The following ST6GALNAC5 variants were observed in gnomAD, a reference collection of about 807,000 sequenced individuals.
ST6GALNAC5 encodes the protein ST6 N-acetylgalactosaminide alpha-2,6-sialyltransferase 5, also known as alpha-N-acetylgalactosaminide alpha-2,6-sialyltransferase 5.
Under a neutral mutation model 33.6 loss-of-function variants are expected in ST6GALNAC5, and 27 were observed. That is an observed-to-expected ratio of 0.80 (90% CI 0.59 to 1.11). The LOEUF is 1.11. Ranked by LOEUF, ST6GALNAC5 falls within the 50% of genes least tolerant of loss-of-function variation. The pLI is 0.00. For synonymous variants in ST6GALNAC5, 194 were observed against 171.2 expected (o/e 1.13, Z -1.04); for missense variants, 428 against 454.0 (o/e 0.94, Z 0.52).
At chr1:76,974,301 C>A (rs1313065076) in intron 2 of ST6GALNAC5, among the ~76,000 whole-genome samples, 2 of 123,272 alleles carry the variant, frequency 1.6e-5, no homozygotes, top group African/African-American at 5.1e-5. Context: ...AACTCCTGGG[C>A]TCAAAGTGAT....
At chr1:76,870,639 C>T (rs1653482037) in intron 2 of ST6GALNAC5, among the ~76,000 whole-genome samples, 4 of 151,986 alleles carry the variant, frequency 2.6e-5, no homozygotes, top group Admixed American at 2.0e-4. Context: ...ATTTGGAGGG[C>T]GGGATGTTGA....
chr1:76,943,561 C>T (rs1647408186), intron 2 of ST6GALNAC5, among the ~76,000 whole-genome samples: 1 of 152,082 alleles, frequency 6.6e-6, no homozygotes, highest in South Asian at 2.1e-4. Flanking sequence ...TCCCTGATCA[C>T]AGAGCACCCT....
Position 77,065,418 on chromosome 1 carries a change from G to C in ST6GALNAC5, c.*2212G>C, listed in dbSNP as rs764723104. The C allele has an allele frequency of 1.3e-5, 2 of 152,070 alleles. No individual in the cohort carries two copies. Among genetic ancestry groups the C allele is most frequent in the Non-Finnish European group, 2.9e-5 (2 of 68,014 alleles). The allele number at this position is 152,070 out of a possible 1,614,324, so 9.4% of individuals were successfully genotyped here. ...GTAACTTCTCCCTCTCAAATACTCAGAAGAATGAAGAGGCCAAATTCAGAA... is the reference window on the plus strand; with the variant it reads ...GTAACTTCTCCCTCTCAAATACTCACAAGAATGAAGAGGCCAAATTCAGAA... On this transcript the variant is annotated 3_prime_UTR_variant, in exon 5 of 5. Transcript: ENST00000477717.
intron 2 of ST6GALNAC5, among the ~76,000 whole-genome samples, chr1:76,978,282 C>T (rs1367489996): frequency 6.6e-6 from 1 of 152,124 alleles, no homozygotes; most frequent in Non-Finnish European, 1.5e-5. Context: ...TGTTTTTTCA[C>T]TCTGATTTTT....
rs139757316 is a variant in ST6GALNAC5, at chr1:77,031,014, T to C, written c.262-13190T>C. Among the ~76,000 whole-genome samples the C allele has an allele frequency of 1.0e-3, 155 of 152,292 alleles. 1 individual carries two copies. Among genetic ancestry groups the C allele is most frequent in the African/African-American group, 3.6e-3 (148 of 41,560 alleles). On this transcript the variant is annotated intron_variant, in intron 2 of 4. Coordinates refer to ENST00000477717, the MANE Select transcript of ST6GALNAC5 (RefSeq NM_030965.3). Reference sequence around the variant, plus strand: ...AACAGTAGGTGCTTAATAACTTGCATTGTGCACATAAAAGGGAAAAAGAAG... The same window carrying C: ...AACAGTAGGTGCTTAATAACTTGCACTGTGCACATAAAAGGGAAAAAGAAG...
chr1:76,977,686 T>G (rs1034305511), intron 2 of ST6GALNAC5, among the ~76,000 whole-genome samples: 20 of 152,196 alleles, frequency 1.3e-4, no homozygotes, highest in African/African-American at 4.1e-4. Flanking sequence ...TGTAAACTAT[T>G]CCATTCTATA....
chr1:76,883,077 A>G (rs559689140), intron 2 of ST6GALNAC5, among the ~76,000 whole-genome samples: 1 of 152,312 alleles, frequency 6.6e-6, no homozygotes, highest in African/African-American at 2.4e-5. Flanking sequence ...TCAGCCACAC[A>G]TCATTCAGTC....
At chr1:76,969,315 C>A (rs1394309977) in intron 2 of ST6GALNAC5, among the ~76,000 whole-genome samples, 1 of 152,234 alleles carries the variant, frequency 6.6e-6, no homozygotes, top group Non-Finnish European at 1.5e-5. Flanking sequence ...AAACAGGACA[C>A]TCCTGCCCAA....
intron 2 of ST6GALNAC5, among the ~76,000 whole-genome samples, chr1:76,901,953 T>C (rs9793293): frequency 0.49 from 75,079 of 151,900 alleles, 19,203 homozygotes; most frequent in African/African-American, 0.61. Flanking sequence ...AGTTATCACT[T>C]TCCTCTTAAT....
intron 2 of ST6GALNAC5, among the ~76,000 whole-genome samples, chr1:76,926,213 T>A (rs918103695): frequency 5.9e-5 from 9 of 152,210 alleles, no homozygotes; most frequent in African/African-American, 2.4e-5. Context: ...AAGTAATGAA[T>A]GCTCTAAAAG....
At chr1:76,984,633 G>A (rs903188496) in intron 2 of ST6GALNAC5, among the ~76,000 whole-genome samples, 1 of 152,134 alleles carries the variant, frequency 6.6e-6, no homozygotes, top group African/African-American at 2.4e-5. Flanking sequence ...CTAATCAATA[G>A]AAAAAGAGGG....
At chr1:77,026,558 T>C (rs1447503848) in intron 2 of ST6GALNAC5, among the ~76,000 whole-genome samples, 1 of 152,150 alleles carries the variant, frequency 6.6e-6, no homozygotes, top group Non-Finnish European at 1.5e-5. Flanking sequence ...CACATAGCCT[T>C]GGCTCCATGT....
At chr1:76,891,324 A>C (rs1654008622) in intron 2 of ST6GALNAC5, among the ~76,000 whole-genome samples, 1 of 152,100 alleles carries the variant, frequency 6.6e-6, no homozygotes, top group Non-Finnish European at 1.5e-5. Context: ...TTGTAGTTTG[A>C]ATTTGCATTT....
intron 2 of ST6GALNAC5, among the ~76,000 whole-genome samples, chr1:76,911,456 A>T (rs1646910460): frequency 6.6e-6 from 1 of 152,194 alleles, no homozygotes; most frequent in Non-Finnish European, 1.5e-5. Context: ...TGCTGGCCTC[A>T]TAAAATGAGT....
chr1:76,904,189 G>A (rs1005002673), intron 2 of ST6GALNAC5, among the ~76,000 whole-genome samples: 1 of 152,198 alleles, frequency 6.6e-6, no homozygotes, highest in Non-Finnish European at 1.5e-5. Context: ...AGGATGAATA[G>A]ATGCCAGATG....
intron 2 of ST6GALNAC5, among the ~76,000 whole-genome samples, chr1:76,968,197 T>C (rs1648580449): frequency 1.3e-5 from 2 of 152,174 alleles, no homozygotes; most frequent in Non-Finnish European, 2.9e-5. Flanking sequence ...AAGTCTCCCA[T>C]TATTATTCTG....
At chr1:76,999,110 A>G (rs964759229) in intron 2 of ST6GALNAC5, among the ~76,000 whole-genome samples, 1 of 152,110 alleles carries the variant, frequency 6.6e-6, no homozygotes, top group African/African-American at 2.4e-5. Flanking sequence ...ATTCAATGTG[A>G]TATTTTCCCT....
chr1:77,044,164 C>T (rs1651923389), intron 2 of ST6GALNAC5, 40 bp from the exon 3 acceptor site: 1 of 1,556,272 alleles, frequency 6.4e-7, no homozygotes, highest in African/African-American at 1.4e-5. Flanking sequence ...AGGGTTAAGC[C>T]CTTTGCCCCT....
chr1:76,927,967 G>A (rs540948410), intron 2 of ST6GALNAC5, among the ~76,000 whole-genome samples: 1 of 152,176 alleles, frequency 6.6e-6, no homozygotes, highest in Admixed American at 6.5e-5. Flanking sequence ...ATGTTGTAGG[G>A]CCTAATTTCA....
Sources: gnomAD v4.1 joint callset for allele counts (sites outside exome capture counted in the v4.1 genomes callset) on GRCh38, gnomAD v4.1.1 for gene constraint, MANE v1.5 for transcripts, NCBI Gene and HGNC (gene_info 2026-07-23, HGNC 2026-07-21) for gene names.